Variants in HPSE2 observed in about 807,000 individuals in gnomAD.
The protein encoded by HPSE2 is inactive heparanase-2.
In HPSE2, 38 loss-of-function variants were observed where a neutral mutation model predicts 60.5. The ratio of observed to expected loss-of-function variants is 0.63; its 90% confidence interval spans 0.48 to 0.82. The LOEUF is 0.82. Among genes scored for constraint, HPSE2 ranks in the 40% least tolerant of loss-of-function variants. The pLI is 0.00. For synonymous variants in HPSE2, 295 were observed against 293.2 expected, an observed-to-expected ratio of 1.01 and a Z score of -0.06; for missense variants, 713 against 740.4, an observed-to-expected ratio of 0.96 and a Z score of 0.43.
At chr10:99,061,150 C>T (rs74729968) in intron 3 of HPSE2, among the ~76,000 whole-genome samples, 3 of 152,112 alleles carry the variant, frequency 2.0e-5, no homozygotes, top group Non-Finnish European at 2.9e-5. Flanking sequence ...AGGCTGTGGA[C>T]TAGGGTGGTG....
chr10:99,124,478 C>T (rs1292887286), intron 3 of HPSE2, among the ~76,000 whole-genome samples: 3 of 152,206 alleles, frequency 2.0e-5, no homozygotes, highest in East Asian at 1.9e-4. Flanking sequence ...GCTGTTAGTG[C>T]CAAGAGGTGC....
intron 3 of HPSE2, among the ~76,000 whole-genome samples, chr10:99,021,227 T>C (rs1957254953): frequency 6.6e-6 from 1 of 152,222 alleles, no homozygotes; most frequent in African/African-American, 2.4e-5. Context: ...TCTGCACTTA[T>C]AAACATTAAT....
chr10:99,288,748 C>CAAAAAAAAAAAA, the HPSE2 span, among the ~76,000 whole-genome samples: 10 of 75,764 alleles, frequency 1.3e-4, no homozygotes, highest in Non-Finnish European at 1.8e-4. Context: ...CAGCCTCAAG[C>CAAAAAAAAAAAA]AAAAAAAAAA....
chr10:98,749,210 G>C (rs1343824687), intron 3 of HPSE2, among the ~76,000 whole-genome samples: 2 of 151,946 alleles, frequency 1.3e-5, no homozygotes, highest in African/African-American at 4.8e-5. Context: ...CCTAGTACTT[G>C]ACACTTTAAA....
intron 6 of HPSE2, among the ~76,000 whole-genome samples, chr10:98,654,603 T>C (rs190260386): frequency 6.6e-6 from 1 of 152,362 alleles, no homozygotes; most frequent in East Asian, 1.9e-4. Flanking sequence ...ATCTCTCTAC[T>C]TATATTAACC....
At chr10:99,227,695 T>C (rs769361706) in intron 2 of HPSE2, among the ~76,000 whole-genome samples, 2 of 151,548 alleles carry the variant, frequency 1.3e-5, no homozygotes, top group Non-Finnish European at 2.9e-5. Flanking sequence ...CCAAGAAAAT[T>C]TGCTGAAGAT....
At chr10:99,249,256 G>C in the HPSE2 span, among the ~76,000 whole-genome samples, 1 of 152,230 alleles carries the variant, frequency 6.6e-6, no homozygotes, top group Non-Finnish European at 1.5e-5. Flanking sequence ...AGCCATGGGA[G>C]CTGAGCCCTG....
At chr10:98,944,097 G>A (rs1001988040) in intron 3 of HPSE2, among the ~76,000 whole-genome samples, 1 of 152,210 alleles carries the variant, frequency 6.6e-6, no homozygotes, top group Non-Finnish European at 1.5e-5. Flanking sequence ...GAGGTACAGG[G>A]AAGATGCTGA....
chr10:99,197,318 A>G (rs1035300387), intron 2 of HPSE2, among the ~76,000 whole-genome samples: 4 of 152,172 alleles, frequency 2.6e-5, no homozygotes, highest in African/African-American at 9.7e-5. Flanking sequence ...AGCACAACAG[A>G]GTGATTACAG....
At chr10:98,582,626 CAA>C (rs1444808408) in intron 9 of HPSE2, among the ~76,000 whole-genome samples, 1 of 152,148 alleles carries the variant, frequency 6.6e-6, no homozygotes. Context: ...TTTGCCAATT[CAA>C]GATTCCACTT....
chr10:98,907,023 G>A (rs1047215976), intron 3 of HPSE2, among the ~76,000 whole-genome samples: 1 of 152,126 alleles, frequency 6.6e-6, no homozygotes, highest in African/African-American at 2.4e-5. Context: ...AGGCACGCAC[G>A]TAATCTTATT....
chr10:98,736,235 G>T, intron 4 of HPSE2, among the ~76,000 whole-genome samples: 2 of 149,188 alleles, frequency 1.3e-5, no homozygotes, highest in Non-Finnish European at 1.5e-5. Flanking sequence ...ATTCAGTTCT[G>T]GCTGCTGCCA....
intron 3 of HPSE2, among the ~76,000 whole-genome samples, chr10:99,058,310 ATTAG>A (rs1958159379): frequency 6.6e-6 from 1 of 152,226 alleles, no homozygotes; most frequent in Non-Finnish European, 1.5e-5. Context: ...TGTTCCCCAA[ATTAG>A]TTAATGAAAT....
intron 3 of HPSE2, among the ~76,000 whole-genome samples, chr10:98,781,647 T>G (rs1333286889): frequency 6.6e-6 from 1 of 152,022 alleles, no homozygotes; most frequent in Non-Finnish European, 1.5e-5. Flanking sequence ...CAAAGAAATA[T>G]AAATTAAAAC....
At chr10:99,050,666 G>GA (rs1474253976) in intron 3 of HPSE2, among the ~76,000 whole-genome samples, 2 of 152,056 alleles carry the variant, frequency 1.3e-5, no homozygotes, top group African/African-American at 2.4e-5. Context: ...ATACACAATA[G>GA]AAAAAATTAG....
At chr10:98,742,210 A>G (rs1949514135) in intron 4 of HPSE2, among the ~76,000 whole-genome samples, 5 of 152,158 alleles carry the variant, frequency 3.3e-5, no homozygotes, top group Admixed American at 3.3e-4. Flanking sequence ...CCATTTGGTC[A>G]ACTAACTATC....
chr10:98,910,167 C>A (rs1347799616), intron 3 of HPSE2, among the ~76,000 whole-genome samples: 1 of 152,066 alleles, frequency 6.6e-6, no homozygotes, highest in Admixed American at 6.6e-5. Flanking sequence ...TGCTTACCTT[C>A]CCCAAGCACA....
At chr10:99,069,084 A>G (rs573945098) in intron 3 of HPSE2, among the ~76,000 whole-genome samples, 6 of 152,206 alleles carry the variant, frequency 3.9e-5, no homozygotes, top group African/African-American at 1.4e-4. Context: ...GTAACTGAAG[A>G]TGCAGGGAAT....
At chr10:98,940,345 T>A (rs1467298863) in intron 3 of HPSE2, among the ~76,000 whole-genome samples, 1 of 142,050 alleles carries the variant, frequency 7.0e-6, no homozygotes, top group Non-Finnish European at 1.5e-5. Context: ...GCAAGACTAA[T>A]AAAGAAGAAA....
Sources: allele counts gnomAD v4.1 joint callset (sites outside exome capture counted in the v4.1 genomes callset), GRCh38; gene constraint gnomAD v4.1.1; transcripts MANE v1.5; gene names NCBI Gene and HGNC (gene_info 2026-07-23, HGNC 2026-07-21).